Variants in ERN1 observed in about 807,000 individuals in gnomAD.
ERN1 encodes endoplasmic reticulum to nucleus signaling 1.
Under a neutral mutation model 113.1 loss-of-function variants are expected in ERN1, and 39 were observed. That is an observed-to-expected ratio of 0.34 (90% CI 0.27 to 0.45). The LOEUF is 0.45. ERN1 is among the 20% of genes least tolerant of loss of function. ERN1 has a pLI of 1.00. For missense variants in ERN1, 976 were observed against 1,274.8 expected, an observed-to-expected ratio of 0.77 and a Z score of 3.57; for synonymous variants, 507 against 515.9, an observed-to-expected ratio of 0.98 and a Z score of 0.23.
At chr17:64,129,935 G>T (rs944780408) in intron 1 of ERN1, 41 bp downstream of exon 1, 5 of 1,397,048 alleles carry the variant, frequency 3.6e-6, no homozygotes, top group Admixed American at 6.3e-5. Context: ...CGACCCGGCC[G>T]TCGCGAGCTG....
intron 1 of ERN1, among the ~76,000 whole-genome samples, chr17:64,104,899 G>A (rs926233782): frequency 6.6e-6 from 1 of 152,126 alleles, no homozygotes; most frequent in Non-Finnish European, 1.5e-5. Flanking sequence ...ACAGTGTCAT[G>A]CACACGTGTT....
chr17:64,057,315 G>A (rs1912901794), intron 12 of ERN1, among the ~76,000 whole-genome samples: 2 of 152,134 alleles, frequency 1.3e-5, no homozygotes, highest in African/African-American at 4.8e-5. Context: ...GGAGGCTAGT[G>A]TCTCTTTAAT....
chr17:64,054,457 G>T lies in ERN1; in HGVS notation c.1764-18C>A. ...ACATGCCCCTGCGGGATGAGGAGTG[G>T]GAGTTGTGTCTGGGAAGCACGAGTC... On this transcript the variant is annotated intron_variant, in intron 14 of 21. Coordinates refer to ENST00000433197, the MANE Select transcript of ERN1 (RefSeq NM_001433.5). The surrounding 1 kb of genome is among the most constrained non-coding windows in gnomAD (Gnocchi z 4.9). 1.3e-6 allele frequency: 2 copies of T among 1,547,692 alleles called. No individual in the cohort carries two copies. Among genetic ancestry groups the T allele is most frequent in the Non-Finnish European group, 1.7e-6 (2 of 1,143,410 alleles).
chr17:64,122,003 T>C (rs1156280495), intron 1 of ERN1, among the ~76,000 whole-genome samples: 1 of 152,210 alleles, frequency 6.6e-6, no homozygotes, highest in Non-Finnish European at 1.5e-5. Context: ...CAAGAAAGCC[T>C]ACTGGCCTAG....
intron 19 of ERN1, 94 bp from the exon 20 acceptor site, chr17:64,045,576 T>C (rs1912488113): frequency 6.5e-7 from 1 of 1,539,146 alleles, no homozygotes; most frequent in Non-Finnish European, 8.9e-7. Context: ...CACTGACACA[T>C]AAGCCTGCCC....
intron 8 of ERN1, 67 bp downstream of exon 8, chr17:64,066,604 T>C: frequency 6.3e-7 from 1 of 1,583,568 alleles, no homozygotes; most frequent in South Asian, 1.1e-5. Flanking sequence ...CAGGGCCTGC[T>C]ACACTGCAAC....
chr17:64,058,230 T>G (rs1305353381), intron 11 of ERN1, among the ~76,000 whole-genome samples: 1 of 152,216 alleles, frequency 6.6e-6, no homozygotes, highest in Non-Finnish European at 1.5e-5. Context: ...AAATAGTTTT[T>G]GGAGCAATAC....
At chr17:64,091,898 T>C (rs573952160) in intron 2 of ERN1, among the ~76,000 whole-genome samples, 1 of 152,186 alleles carries the variant, frequency 6.6e-6, no homozygotes, top group East Asian at 1.9e-4. Context: ...CAACCCATCA[T>C]GGATGATGCT....
At chr17:64,074,581 G>A (rs1204060236) in intron 5 of ERN1, among the ~76,000 whole-genome samples, 1 of 152,202 alleles carries the variant, frequency 6.6e-6, no homozygotes, top group African/African-American at 2.4e-5. Context: ...CAAAAAGAAA[G>A]CTGCTGTATA....
chr17:64,044,164 C>T lies in ERN1; in HGVS notation c.2758G>A (p.Glu920Lys). 1 of 1,586,708 alleles carries T rather than the reference C, an allele frequency of 6.3e-7. No individual in the cohort carries two copies. Among genetic ancestry groups the T allele is most frequent in the Non-Finnish European group, 8.6e-7 (1 of 1,162,794 alleles). The change falls in exon 22 of 22, where the codon GAG (glutamate) becomes AAG (lysine). Residue 920 changes from glutamate to lysine, a missense_variant. This residue lies in a region of ERN1 where 92 missense variants were observed against 87.3 expected (regional missense o/e 1.05). Coordinates refer to ENST00000433197, the MANE Select transcript of ERN1 (RefSeq NM_001433.5). This position sits in a 1 kb window ranked among gnomAD's most constrained non-coding sequence, Gnocchi z 4.1. ...TCGTCGGGGAGGGACCCCAGCGTCTCCCGCACCTCTGCAGGCAGCTCCCGG... is the reference window on the plus strand; with the variant it reads ...TCGTCGGGGAGGGACCCCAGCGTCTTCCGCACCTCTGCAGGCAGCTCCCGG... The part of the protein sequence containing the change: ...HYRELPAEVR[E>K]TLGSLPDDFV...
chr17:64,079,598 A>T, intron 4 of ERN1, 64 bp downstream of exon 4: 1 of 1,305,874 alleles, frequency 7.7e-7, no homozygotes, highest in Non-Finnish European at 1.1e-6. Context: ...GACACTGTGC[A>T]GACACACTTA....
chr17:64,043,549 G>C lies in ERN1; in HGVS notation c.*439C>G, dbSNP rs968494265. 6.4e-6 allele frequency: 1 copy of C among 156,362 alleles called. No homozygotes were observed. Among genetic ancestry groups the C allele is most frequent in the Non-Finnish European group, 1.4e-5 (1 of 71,012 alleles). The allele number at this position is 156,362 out of a possible 1,614,324, so 9.7% of individuals were successfully genotyped here. On this transcript the variant is annotated 3_prime_UTR_variant, in exon 22 of 22. Transcript: ENST00000433197. Reference sequence around the variant, plus strand: ...TCAGCATCCCCCACCTCTCAATTCCGGTCTCCAGTGAAGGCTGTACTTGGT... The same window carrying C: ...TCAGCATCCCCCACCTCTCAATTCCCGTCTCCAGTGAAGGCTGTACTTGGT...
chr17:64,057,508 A>C (rs1912910731), intron 12 of ERN1, among the ~76,000 whole-genome samples: 1 of 152,144 alleles, frequency 6.6e-6, no homozygotes, highest in African/African-American at 2.4e-5. Context: ...GGCTGGGACT[A>C]CAGGCCCCTG....
chr17:64,073,218 G>T (rs1268689308), intron 5 of ERN1, among the ~76,000 whole-genome samples: 1 of 151,880 alleles, frequency 6.6e-6, no homozygotes, highest in Non-Finnish European at 1.5e-5. Context: ...GCCCAGGCTG[G>T]AGTGCAGTGG....
intron 4 of ERN1, among the ~76,000 whole-genome samples, chr17:64,078,091 C>T (rs1288982469): frequency 6.6e-6 from 1 of 152,214 alleles, no homozygotes; most frequent in Non-Finnish European, 1.5e-5. Flanking sequence ...GTCCTAAGGA[C>T]TTTAGCACTT....
chr17:64,052,927 G>C lies in ERN1; in HGVS notation c.2106C>G (p.His702Gln). 6.2e-7 allele frequency: 1 copy of C among 1,613,692 alleles called. No homozygotes were observed. The highest frequency in any genetic ancestry group is 8.5e-7 in the Non-Finnish European group (1 of 1,179,760). The change falls in exon 17 of 22, where the codon CAC becomes CAG. Residue 702 changes from histidine (H) to glutamine (Q), a missense_variant. By Grantham distance (24) the His-to-Gln change is conservative. This residue lies in a region of ERN1 where 297 missense variants were observed against 457.8 expected (regional missense o/e 0.65). Coordinates refer to ENST00000433197, the MANE Select transcript of ERN1 (RefSeq NM_001433.5). ...CGGAGATCATGGCCTTGATCTTGCCGTGTGCATTGGGCATGGATATGAGGA... is the reference window on the plus strand; with the variant it reads ...CGGAGATCATGGCCTTGATCTTGCCCTGTGCATTGGGCATGGATATGAGGA... ...HNILISMPNAHGKIKAMISDF... is the reference protein window; with the variant it reads ...HNILISMPNAQGKIKAMISDF...
chr17:64,096,536 G>C (rs547967894), intron 2 of ERN1, among the ~76,000 whole-genome samples: 75 of 152,292 alleles, frequency 4.9e-4, no homozygotes, highest in African/African-American at 1.7e-3. Flanking sequence ...TAATGCACTT[G>C]AGTCATCCCA....
intron 1 of ERN1, among the ~76,000 whole-genome samples, chr17:64,124,646 G>A (rs1915034077): frequency 6.6e-6 from 1 of 152,154 alleles, no homozygotes; most frequent in Non-Finnish European, 1.5e-5. Flanking sequence ...CCCCAGCCAC[G>A]TGGAACTGTA....
At position 64,054,853 on chromosome 17, in the gene ERN1, T is replaced by C. The variant is rs1912805520; in HGVS notation, c.1673-25A>G. On this transcript the variant is annotated intron_variant, in intron 13 of 21. Coordinates refer to ENST00000433197, the MANE Select transcript of ERN1 (RefSeq NM_001433.5). This position sits in a 1 kb window ranked among gnomAD's most constrained non-coding sequence, Gnocchi z 4.9. ...TCTGGGACAAAATAGGAAAAAGAGA[T>C]TGTTTCAAACAGATATCACCTAAAG... 6.4e-7 allele frequency: 1 copy of C among 1,550,762 alleles called. No homozygotes were observed. The highest frequency in any genetic ancestry group is 8.8e-7 in the Non-Finnish European group (1 of 1,133,592).
Sources: allele counts gnomAD v4.1 joint callset (sites outside exome capture counted in the v4.1 genomes callset), GRCh38; gene constraint gnomAD v4.1.1; regional missense constraint gnomAD v4.1.1; non-coding constraint Gnocchi (gnomAD v3.1); transcripts MANE v1.5; gene names NCBI Gene and HGNC (gene_info 2026-07-23, HGNC 2026-07-21).